Variants in ASIC2 observed in about 807,000 individuals in gnomAD.
ASIC2 encodes the protein acid-sensing ion channel 2.
In ASIC2, 25 loss-of-function variants were observed where a neutral mutation model predicts 57.3. The ratio of observed to expected loss-of-function variants is 0.44; its 90% CI spans 0.32 to 0.61. The LOEUF (loss-of-function observed/expected upper bound fraction) is 0.61. ASIC2 is among the 20% of genes least tolerant of loss of function. ASIC2 has a pLI of 0.06. For missense variants in ASIC2, 641 were observed against 738.1 expected, an observed-to-expected ratio of 0.87 and a Z score of 1.52; for synonymous variants, 319 against 307.5, an observed-to-expected ratio of 1.04 and a Z score of -0.39.
intron 1 of ASIC2, among the ~76,000 whole-genome samples, chr17:33,517,513 C>T (rs904221470): frequency 6.6e-6 from 1 of 152,154 alleles, no homozygotes; most frequent in Admixed American, 6.5e-5. Flanking sequence ...TGATTCTAGC[C>T]GAGGTCTCTT....
At chr17:33,810,874 T>TAC (rs34187408) in intron 1 of ASIC2, among the ~76,000 whole-genome samples, 14,309 of 149,484 alleles carry the variant, frequency 0.096, 713 homozygotes, top group East Asian at 0.22. Context: ...CACACACACA[T>TAC]ACACACACAC....
chr17:33,975,644 T>C (rs967087850), intron 1 of ASIC2, among the ~76,000 whole-genome samples: 10 of 152,128 alleles, frequency 6.6e-5, no homozygotes, highest in Non-Finnish European at 1.0e-4. Flanking sequence ...CAAAATCTGT[T>C]TGACTCGGCT....
chr17:34,099,538 A>G (rs1406216244), intron 1 of ASIC2, among the ~76,000 whole-genome samples: 1 of 148,844 alleles, frequency 6.7e-6, no homozygotes, highest in Non-Finnish European at 1.5e-5. Flanking sequence ...GAAAGAAAGG[A>G]AAGAAAGAAG....
intron 1 of ASIC2, among the ~76,000 whole-genome samples, chr17:34,053,570 A>G (rs1176319011): frequency 6.6e-6 from 1 of 152,226 alleles, no homozygotes; most frequent in African/African-American, 2.4e-5. Flanking sequence ...ACTGTGCACT[A>G]AACATTTTTA....
At chr17:33,579,807 C>T (rs904501907) in intron 1 of ASIC2, among the ~76,000 whole-genome samples, 5 of 152,048 alleles carry the variant, frequency 3.3e-5, no homozygotes, top group African/African-American at 7.2e-5. Flanking sequence ...GAAAAACACC[C>T]CTTGGATTTC....
At chr17:33,744,990 G>T (rs1225223076) in intron 1 of ASIC2, among the ~76,000 whole-genome samples, 1 of 152,182 alleles carries the variant, frequency 6.6e-6, no homozygotes, top group Non-Finnish European at 1.5e-5. Flanking sequence ...GATCAACAGA[G>T]ATTATTCAAT....
At chr17:33,971,337 G>C (rs1315713712) in intron 1 of ASIC2, among the ~76,000 whole-genome samples, 1 of 152,140 alleles carries the variant, frequency 6.6e-6, no homozygotes, top group African/African-American at 2.4e-5. Context: ...GGCCCCTGCT[G>C]CAACCTTCAG....
At chr17:33,772,383 T>G (rs1439785202) in intron 1 of ASIC2, among the ~76,000 whole-genome samples, 1 of 152,176 alleles carries the variant, frequency 6.6e-6, no homozygotes, top group African/African-American at 2.4e-5. Flanking sequence ...CTGTCCATAT[T>G]TTGTTGAACT....
At chr17:33,598,317 G>C (rs1022631138) in intron 1 of ASIC2, among the ~76,000 whole-genome samples, 1 of 152,186 alleles carries the variant, frequency 6.6e-6, no homozygotes, top group African/African-American at 2.4e-5. Context: ...CTGACTGATG[G>C]CACTGGATAT....
At chr17:33,418,426 G>C (rs1910934524) in intron 1 of ASIC2, among the ~76,000 whole-genome samples, 2 of 152,108 alleles carry the variant, frequency 1.3e-5, no homozygotes, top group Admixed American at 6.5e-5. Context: ...TGGTGTTTTA[G>C]TCGTGAAGTC....
At chr17:33,129,474 C>T (rs1348154734) in intron 1 of ASIC2, among the ~76,000 whole-genome samples, 1 of 152,152 alleles carries the variant, frequency 6.6e-6, no homozygotes, top group Non-Finnish European at 1.5e-5. Flanking sequence ...TCTTGTACTG[C>T]CATGGAGAAT....
At chr17:34,137,507 G>A (rs1432207774) in intron 1 of ASIC2, among the ~76,000 whole-genome samples, 1 of 152,236 alleles carries the variant, frequency 6.6e-6, no homozygotes, top group Non-Finnish European at 1.5e-5. Context: ...AGCAGGTTGT[G>A]TGGAGGAAAC....
chr17:33,472,200 A>G (rs758969086), intron 1 of ASIC2, among the ~76,000 whole-genome samples: 41 of 151,898 alleles, frequency 2.7e-4, no homozygotes, highest in Non-Finnish European at 4.4e-4. Flanking sequence ...CTTTATTTTT[A>G]GTAGAGATGG....
chr17:33,549,890 C>A (rs1915692403), intron 1 of ASIC2, among the ~76,000 whole-genome samples: 1 of 152,166 alleles, frequency 6.6e-6, no homozygotes, highest in East Asian at 1.9e-4. Context: ...CACCTCCCTG[C>A]CCTTTGTGAA....
intron 1 of ASIC2, among the ~76,000 whole-genome samples, chr17:34,078,742 G>A (rs1289789745): frequency 6.6e-6 from 1 of 152,126 alleles, no homozygotes; most frequent in Non-Finnish European, 1.5e-5. Context: ...TTTCCCAGGG[G>A]CGGTCTCTGG....
At chr17:33,347,687 G>T (rs1908005609) in intron 1 of ASIC2, among the ~76,000 whole-genome samples, 1 of 152,132 alleles carries the variant, frequency 6.6e-6, no homozygotes, top group South Asian at 2.1e-4. Flanking sequence ...GTGGGGGCTG[G>T]TAGGATATGA....
At chr17:33,755,978 C>T (rs537757877) in intron 1 of ASIC2, among the ~76,000 whole-genome samples, 14 of 152,288 alleles carry the variant, frequency 9.2e-5, no homozygotes, top group African/African-American at 1.2e-4. Context: ...GCATCATGAC[C>T]GGGAACATTT....
intron 1 of ASIC2, among the ~76,000 whole-genome samples, chr17:33,710,886 G>A (rs1405065391): frequency 6.6e-6 from 1 of 152,168 alleles, no homozygotes; most frequent in African/African-American, 2.4e-5. Context: ...TTATAAATAA[G>A]ATGACGCTAT....
At chr17:33,889,462 T>C (rs1444121176) in intron 1 of ASIC2, among the ~76,000 whole-genome samples, 2 of 152,200 alleles carry the variant, frequency 1.3e-5, no homozygotes, top group Non-Finnish European at 2.9e-5. Context: ...ATTCTTAAGA[T>C]TTGCCATCAT....
Sources: allele counts gnomAD v4.1 joint callset (sites outside exome capture counted in the v4.1 genomes callset), GRCh38; gene constraint gnomAD v4.1.1; transcripts MANE v1.5; gene names NCBI Gene and HGNC (gene_info 2026-07-23, HGNC 2026-07-21).